The following ZBTB20 variants were observed in gnomAD, a reference collection of about 807,000 sequenced individuals.
The protein encoded by ZBTB20 is zinc finger and BTB domain containing 20, also known as zinc finger and BTB domain-containing protein 20.
ZBTB20 carries 9 observed loss-of-function variants against 56.9 expected under a neutral mutation model. That is an observed-to-expected ratio of 0.16 (90% CI 0.10 to 0.28). ZBTB20 has a LOEUF of 0.28. ZBTB20 is among the 10% of genes least tolerant of loss of function. The probability of loss-of-function intolerance (pLI) is 1.00; values close to 1 mark genes in which losing one functional copy is unlikely to be tolerated. For missense variants in ZBTB20, 655 were observed against 1,003.0 expected (o/e 0.65, Z 4.69); for synonymous variants, 417 against 420.7 (o/e 0.99, Z 0.11).
chr3:114,979,740 A>AT (rs2078254042), intron 2 of ZBTB20, among the ~76,000 whole-genome samples: 1 of 152,080 alleles, frequency 6.6e-6, no homozygotes, highest in African/African-American at 2.4e-5. Context: ...ACAAGGATAC[A>AT]TTCCTTCAAA....
chr3:114,734,723 C>T (rs2066008627), intron 5 of ZBTB20, among the ~76,000 whole-genome samples: 1 of 152,086 alleles, frequency 6.6e-6, no homozygotes, highest in Non-Finnish European at 1.5e-5. Context: ...GCTGTACATA[C>T]ATTTAAGAAA....
intron 6 of ZBTB20, among the ~76,000 whole-genome samples, chr3:114,590,695 C>T (rs2055669857): frequency 6.6e-6 from 1 of 152,028 alleles, no homozygotes. Context: ...CCTCGTCAAG[C>T]ACATTTGGAA....
In ZBTB20 at chr3:115,044,259, A is replaced by G. The variant is rs1393766732; in HGVS notation, c.-507+26960T>C. 2.0e-4 allele frequency among the ~76,000 whole-genome samples: 31 copies of G among 152,240 alleles called. 1 individual carries two copies. Among genetic ancestry groups the G allele is most frequent in the Admixed American group, 2.0e-3 (31 of 15,288 alleles). ...CGTAAGACTAAATGTTAGTATTCTT[A>G]CTGCAAGCCAACCAGCGTAGGTTCA... On this transcript the variant is annotated intron_variant, in intron 2 of 11. Coordinates refer to ENST00000675478, the MANE Select transcript of ZBTB20 (RefSeq NM_001348800.3).
intron 5 of ZBTB20, among the ~76,000 whole-genome samples, chr3:114,786,274 T>C (rs1300913205): frequency 6.6e-6 from 1 of 152,112 alleles, no homozygotes; most frequent in Admixed American, 6.6e-5. Flanking sequence ...GTATTTCTCC[T>C]AATGCTATCC....
intron 6 of ZBTB20, among the ~76,000 whole-genome samples, chr3:114,539,625 A>T (rs2048881003): frequency 6.6e-6 from 1 of 152,086 alleles, no homozygotes; most frequent in Non-Finnish European, 1.5e-5. Context: ...GTTTACTTAC[A>T]CCTACATACT....
chr3:114,851,014 CA>C (rs2074976035), intron 4 of ZBTB20, among the ~76,000 whole-genome samples: 1 of 152,120 alleles, frequency 6.6e-6, no homozygotes. Flanking sequence ...GCCCAGAAAC[CA>C]GGGCTGTTTT....
chr3:114,577,777 C>T (rs561851349), intron 6 of ZBTB20, among the ~76,000 whole-genome samples: 1 of 152,124 alleles, frequency 6.6e-6, no homozygotes, highest in Non-Finnish European at 1.5e-5. Flanking sequence ...AATAAAGATA[C>T]AGCATTATGA....
rs550542338 is a variant in ZBTB20, at chr3:114,513,653, C to G, written c.-294-13262G>C. Among the ~76,000 whole-genome samples, 95 of 152,140 alleles carry G rather than the reference C, an allele frequency of 6.2e-4. No individual in the cohort carries two copies. The Middle Eastern group carries it at 0.01, about 16-fold the overall frequency. On this transcript the variant is annotated intron_variant, in intron 6 of 11. Coordinates refer to ENST00000675478, the MANE Select transcript of ZBTB20 (RefSeq NM_001348800.3). ...AGTAAGAGGAATATTTTTTATGGAACAAATTGCTAGGGAGAGGTCATTTTG... is the reference window on the plus strand; with the variant it reads ...AGTAAGAGGAATATTTTTTATGGAAGAAATTGCTAGGGAGAGGTCATTTTG...
intron 2 of ZBTB20, among the ~76,000 whole-genome samples, chr3:114,998,804 T>C (rs192675651): frequency 4.0e-5 from 6 of 151,714 alleles, no homozygotes; most frequent in East Asian, 2.0e-4. Flanking sequence ...AAGTTACTTA[T>C]GGGTTATTCA....
At chr3:114,635,096 C>T (rs75440443) in intron 6 of ZBTB20, among the ~76,000 whole-genome samples, 2,662 of 152,236 alleles carry the variant, frequency 0.017, 73 homozygotes, top group African/African-American at 0.06. Context: ...TTGTACTGAG[C>T]CTTGTGCGAC....
At chr3:114,824,414 T>C (rs2073411755) in intron 4 of ZBTB20, among the ~76,000 whole-genome samples, 1 of 151,948 alleles carries the variant, frequency 6.6e-6, no homozygotes, top group Admixed American at 6.6e-5. Context: ...CAAACAAACA[T>C]AATGTTTTAA....
rs899214394 is a variant in ZBTB20, at chr3:114,973,680, T to C, written c.-456+686A>G. Among the ~76,000 whole-genome samples, 9 of 152,260 alleles carry C rather than the reference T, an allele frequency of 5.9e-5. No homozygotes were observed. The South Asian group carries it at 8.3e-4, about 14-fold the overall frequency. The stretch of plus-strand genomic sequence containing the variant: ...ATCGCACCACCCCATCCCCCTCCAA[T>C]GTAATCTGTGATTTACTCTTCTATA... On this transcript the variant is annotated intron_variant, in intron 3 of 11. Coordinates refer to ENST00000675478, the MANE Select transcript of ZBTB20 (RefSeq NM_001348800.3).
In ZBTB20 at chr3:114,330,376, A is replaced by G. The variant is rs1046134501; in HGVS notation, c.*8629T>C. 9 of 152,230 alleles carry G rather than the reference A, an allele frequency of 5.9e-5. No homozygotes were observed. The highest frequency in any genetic ancestry group is 2.2e-4 in the African/African-American group (9 of 41,454). 9.4% of individuals were successfully genotyped at this position (152,230 alleles called of 1,614,324 possible). ...CAGATTCAAAAGTTAAAATGAATAT[A>G]ATGTAATATATATTTCAATATAGAG... On this transcript the variant is annotated 3_prime_UTR_variant, in exon 12 of 12. Coordinates refer to ENST00000675478, the MANE Select transcript of ZBTB20 (RefSeq NM_001348800.3).
Position 115,086,106 on chromosome 3 carries a change from T to C in ZBTB20, c.-702-14692A>G, listed in dbSNP as rs912614288. On this transcript the variant is annotated intron_variant, in intron 1 of 11. Transcript: ENST00000675478. ...TTAATTAAGCATTTTATTTGCAGTA[T>C]GATGAAAGCACAGCATTTCTTTCCC... Among the ~76,000 whole-genome samples, 24 of 152,044 alleles carry C rather than the reference T, an allele frequency of 1.6e-4. 1 individual carries two copies. Among genetic ancestry groups the C allele is most frequent in the East Asian group, 5.8e-4 (3 of 5,184 alleles).
Position 114,483,474 on chromosome 3 carries a change from C to T in ZBTB20, c.-255+16878G>A, listed in dbSNP as rs2041775738. ...CAGTATAGGTACAGCAAGCAGAAGA[C>T]AGATCATAAGTATTTACTATCAGAC... is the stretch of plus-strand genomic sequence containing the variant. On this transcript the variant is annotated intron_variant, in intron 7 of 11. Transcript: ENST00000675478. Among the ~76,000 whole-genome samples the T allele has an allele frequency of 4.0e-5, 6 of 151,854 alleles. No homozygotes were observed. The South Asian group carries it at 1.3e-3, about 32-fold the overall frequency.
intron 4 of ZBTB20, among the ~76,000 whole-genome samples, chr3:114,839,479 GAA>G (rs2108992707): frequency 6.7e-6 from 1 of 150,282 alleles, no homozygotes; most frequent in African/African-American, 2.4e-5. Flanking sequence ...GAGAGAGAAA[GAA>G]AGAGAAAGAA....
At chr3:114,555,518 C>G (rs970674238) in intron 6 of ZBTB20, among the ~76,000 whole-genome samples, 1 of 152,070 alleles carries the variant, frequency 6.6e-6, no homozygotes, top group African/African-American at 2.4e-5. Flanking sequence ...CTCACTAGTT[C>G]ACATGTCATT....
At chr3:114,420,217 G>A (rs1215898184) in intron 7 of ZBTB20, among the ~76,000 whole-genome samples, 1 of 152,062 alleles carries the variant, frequency 6.6e-6, no homozygotes, top group Non-Finnish European at 1.5e-5. Flanking sequence ...AGATAGATAT[G>A]GGGAAGCCCA....
chr3:114,969,459 T>G, intron 3 of ZBTB20, among the ~76,000 whole-genome samples: 1 of 151,924 alleles, frequency 6.6e-6, no homozygotes, highest in East Asian at 1.9e-4. Flanking sequence ...AGATGAAAAA[T>G]GAAAGGGATA....
Sources: allele counts gnomAD v4.1 joint callset (sites outside exome capture counted in the v4.1 genomes callset), GRCh38; gene constraint gnomAD v4.1.1; transcripts MANE v1.5; gene names NCBI Gene and HGNC (gene_info 2026-07-23, HGNC 2026-07-21).